The following PPP4R4 variants were observed in gnomAD, a reference collection of about 807,000 sequenced individuals.
The protein encoded by PPP4R4 is protein phosphatase 4 regulatory subunit 4.
A neutral mutation model predicts 121.8 loss-of-function variants in PPP4R4; 70 were observed. The observed-to-expected ratio is 0.57, with a 90% CI of 0.47 to 0.70. PPP4R4 has a LOEUF of 0.70. Ranked by LOEUF, PPP4R4 falls within the 30% of genes least tolerant of loss-of-function variation. The pLI is 0.00. For synonymous variants in PPP4R4, 348 were observed against 355.7 expected (o/e 0.98, Z 0.24); for missense variants, 875 against 1,033.6 (o/e 0.85, Z 2.10).
intron 2 of PPP4R4, among the ~76,000 whole-genome samples, chr14:94,188,001 G>C (rs1265700941): frequency 6.6e-6 from 1 of 152,178 alleles, no homozygotes; most frequent in Non-Finnish European, 1.5e-5. Flanking sequence ...TGGGAGTGGT[G>C]AGAGATGACT....
chr14:94,251,766 A>C lies in PPP4R4; in HGVS notation c.1735A>C (p.Ser579Arg). The change falls in exon 16 of 25, where the codon AGT (serine) becomes CGT (arginine). Residue 579 changes from serine to arginine, a missense_variant. Transcript: ENST00000304338. ...KLIEQLGQGKSYWNRLRFLDT... is the reference protein window; with the variant it reads ...KLIEQLGQGKRYWNRLRFLDT... ...GTTTCTAGAATTGGGCCAAGGAAAAAGTTACTGGAATAGACTTCGATTTTT... is the reference window on the plus strand; with the variant it reads ...GTTTCTAGAATTGGGCCAAGGAAAACGTTACTGGAATAGACTTCGATTTTT... 6.4e-7 allele frequency: 1 copy of C among 1,555,126 alleles called. No individual in the cohort carries two copies. Among genetic ancestry groups the C allele is most frequent in the Non-Finnish European group, 8.7e-7 (1 of 1,155,484 alleles).
At chr14:94,259,650 A>G (rs1480491156) in intron 19 of PPP4R4, among the ~76,000 whole-genome samples, 1 of 152,206 alleles carries the variant, frequency 6.6e-6, no homozygotes, top group Non-Finnish European at 1.5e-5. Context: ...AACCATCACC[A>G]CAATGAAAAT....
At chr14:94,232,832 G>C (rs1005309112) in intron 5 of PPP4R4, among the ~76,000 whole-genome samples, 6 of 152,162 alleles carry the variant, frequency 3.9e-5, no homozygotes, top group Non-Finnish European at 8.8e-5. Context: ...GCTGAGGCGG[G>C]CGGATCATGA....
chr14:94,209,938 T>A (rs1488514937), intron 3 of PPP4R4, among the ~76,000 whole-genome samples: 4 of 152,002 alleles, frequency 2.6e-5, no homozygotes, highest in African/African-American at 7.2e-5. Context: ...ACTTTAGAGG[T>A]CTCTAAATTA....
At position 94,205,536 on chromosome 14, in the gene PPP4R4, C is replaced by T. The variant is rs536791415; in HGVS notation, c.192-2928C>T. 2.3e-3 allele frequency among the ~76,000 whole-genome samples: 341 copies of T among 151,278 alleles called. 1 individual carries two copies. The highest frequency in any genetic ancestry group is 4.4e-3 in the Admixed American group (66 of 15,164). ...TTTCTATTTTTATTATTAATCTCATCTCTTTGTTTCTTCTGCTTGTATTGT... is the reference window on the plus strand; with the variant it reads ...TTTCTATTTTTATTATTAATCTCATTTCTTTGTTTCTTCTGCTTGTATTGT... On this transcript the variant is annotated intron_variant, in intron 2 of 24. Coordinates refer to ENST00000304338, the MANE Select transcript of PPP4R4 (RefSeq NM_058237.2).
At chr14:94,272,926 A>G (rs1284226659) in intron 23 of PPP4R4, among the ~76,000 whole-genome samples, 1 of 152,194 alleles carries the variant, frequency 6.6e-6, no homozygotes, top group Non-Finnish European at 1.5e-5. Flanking sequence ...GGTTTATGCA[A>G]ATTAAAACAA....
At chr14:94,193,603 G>A (rs1018580843) in intron 2 of PPP4R4, among the ~76,000 whole-genome samples, 3 of 152,158 alleles carry the variant, frequency 2.0e-5, no homozygotes, top group African/African-American at 7.2e-5. Context: ...TGAAATAATA[G>A]GGAGGTTCAG....
chr14:94,223,584 A>G (rs545997768), intron 3 of PPP4R4, among the ~76,000 whole-genome samples: 1 of 152,286 alleles, frequency 6.6e-6, no homozygotes, highest in South Asian at 2.1e-4. Context: ...AGCAGGCCCC[A>G]AATTACATGC....
chr14:94,197,094 G>A (rs935023423), intron 2 of PPP4R4, among the ~76,000 whole-genome samples: 2 of 151,992 alleles, frequency 1.3e-5, no homozygotes, highest in Non-Finnish European at 2.9e-5. Flanking sequence ...TACTTTGTGA[G>A]GTTTCTCGGT....
At chr14:94,258,086 G>A (rs75621607) in intron 17 of PPP4R4, among the ~76,000 whole-genome samples, 2,908 of 152,174 alleles carry the variant, frequency 0.019, 86 homozygotes, top group African/African-American at 0.066. Context: ...TTCATGGCAT[G>A]CATTATGAAT....
chr14:94,181,534 T>C (rs780914142), intron 2 of PPP4R4, among the ~76,000 whole-genome samples: 7 of 152,212 alleles, frequency 4.6e-5, no homozygotes, highest in Non-Finnish European at 8.8e-5. Context: ...GAAGTCATGA[T>C]CTTTTCTTTG....
At chr14:94,277,444 C>A (rs904495198) in intron 24 of PPP4R4, among the ~76,000 whole-genome samples, 11 of 152,246 alleles carry the variant, frequency 7.2e-5, no homozygotes, top group African/African-American at 2.7e-4. Context: ...TGTCACATGA[C>A]AGGGCTGTCT....
intron 2 of PPP4R4, among the ~76,000 whole-genome samples, chr14:94,182,869 C>T (rs990173158): frequency 2.0e-5 from 3 of 152,100 alleles, no homozygotes; most frequent in African/African-American, 7.2e-5. Context: ...GTGCTTTGAC[C>T]AGTTTGTACT....
At chr14:94,276,040 T>C (rs886277626) in intron 24 of PPP4R4, among the ~76,000 whole-genome samples, 3 of 149,076 alleles carry the variant, frequency 2.0e-5, no homozygotes, top group African/African-American at 7.5e-5. Context: ...TTCCTTTTAA[T>C]GTGCTGTTTG....
At chr14:94,215,691 A>T (rs1254575278) in intron 3 of PPP4R4, among the ~76,000 whole-genome samples, 4 of 152,226 alleles carry the variant, frequency 2.6e-5, no homozygotes, top group African/African-American at 9.6e-5. Flanking sequence ...CTCAGAAAAT[A>T]AAAGTATTAA....
At position 94,234,608 on chromosome 14, in the gene PPP4R4, G is replaced by T; in HGVS notation, c.670G>T (p.Val224Leu). 1 of 1,609,830 alleles carries T rather than the reference G, an allele frequency of 6.2e-7. No homozygotes were observed. The highest frequency in any genetic ancestry group is 1.3e-5 in the African/African-American group (1 of 74,926). The change falls in exon 7 of 25, where the codon GTA (valine) becomes TTA (leucine). Residue 224 changes from valine to leucine, a missense_variant. Physicochemically the swap from Val to Leu is conservative, Grantham distance 32. Coordinates refer to ENST00000304338, the MANE Select transcript of PPP4R4 (RefSeq NM_058237.2). ...LPLVKSLCQD[V>L]EYEVRSCMCR... ...TCTGGTAAAATCACTCTGTCAAGAT[G>T]TAGAATATGAAGTTCGATCTTGTAT... is the stretch of plus-strand genomic sequence containing the variant.
At chr14:94,207,128 T>C (rs1164093534) in intron 2 of PPP4R4, among the ~76,000 whole-genome samples, 1 of 152,070 alleles carries the variant, frequency 6.6e-6, no homozygotes, top group South Asian at 2.1e-4. Context: ...TCAAGAGCCC[T>C]TTAAAAATTA....
At chr14:94,243,825 C>T (rs1309471449) in intron 11 of PPP4R4, among the ~76,000 whole-genome samples, 2 of 150,520 alleles carry the variant, frequency 1.3e-5, no homozygotes, top group East Asian at 3.9e-4. Flanking sequence ...TTAAATTTTT[C>T]TAACAGTGTC....
At chr14:94,231,142 C>A in intron 4 of PPP4R4, 100 bp from the exon 5 acceptor site, 1 of 855,258 alleles carries the variant, frequency 1.2e-6, no homozygotes, top group South Asian at 2.2e-5. Flanking sequence ...ATAATTATTT[C>A]CATTTTATCA....
Sources: gnomAD v4.1 joint callset for allele counts (sites outside exome capture counted in the v4.1 genomes callset) on GRCh38, gnomAD v4.1.1 for gene constraint, MANE v1.5 for transcripts, NCBI Gene and HGNC (gene_info 2026-07-23, HGNC 2026-07-21) for gene names.